The following CEP162 variants were observed in gnomAD, a reference collection of about 807,000 sequenced individuals.
The protein encoded by CEP162 is centrosomal protein of 162 kDa.
In CEP162, 141 loss-of-function variants were observed where a neutral mutation model predicts 169.2. The ratio of observed to expected loss-of-function variants is 0.83; its 90% CI spans 0.73 to 0.96. The LOEUF (loss-of-function observed/expected upper bound fraction) is 0.96. Ranked by LOEUF, CEP162 falls within the 40% of genes least tolerant of loss-of-function variation. CEP162 has a pLI of 0.00. For synonymous variants in CEP162, 540 were observed against 526.4 expected (o/e 1.03, Z -0.35); for missense variants, 1,600 against 1,587.2 (o/e 1.01, Z -0.14).
chr6:84,149,132 C>A (rs535385524), intron 24 of CEP162, among the ~76,000 whole-genome samples: 15 of 152,092 alleles, frequency 9.9e-5, no homozygotes, highest in South Asian at 2.1e-4. Context: ...TGACCTGAAT[C>A]ATTATTTGTT....
intron 24 of CEP162, 137 bp downstream of exon 24, chr6:84,149,425 G>A: frequency 1.2e-5 from 6 of 495,538 alleles, no homozygotes; most frequent in Non-Finnish European, 2.0e-5. Flanking sequence ...AAGAAATCAA[G>A]CCAATAATAG....
At chr6:84,174,674 CTT>C (rs61309212) in intron 15 of CEP162, 51 bp downstream of exon 15, 1,113 of 681,724 alleles carry the variant, frequency 1.6e-3, no homozygotes, top group African/African-American at 6.7e-3. Flanking sequence ...GGGAATTCAG[CTT>C]TTTTTTTTTT....
rs1357269882 is a variant in CEP162, at chr6:84,186,428, G to A, written c.1305C>T (p.Ala435=). ...NSCPQVTEVT[A]TEEHVDKMYL... ...ACATTTTATCAACATGTTCTTCTGT[G>A]GCAGTTACTTCAGTTACTTGTGGAC... The change falls in exon 12 of 27, where the codon GCC becomes GCT. Residue 435 remains alanine (A), a synonymous_variant. Coordinates refer to ENST00000403245, the MANE Select transcript of CEP162 (RefSeq NM_014895.4). 6.2e-7 allele frequency: 1 copy of A among 1,602,296 alleles called. No homozygotes were observed. The highest frequency in any genetic ancestry group is 8.6e-7 in the Non-Finnish European group (1 of 1,169,524).
At chr6:84,203,955 G>C in intron 7 of CEP162, 26 bp downstream of exon 7, 5 of 1,469,932 alleles carry the variant, frequency 3.4e-6, no homozygotes, top group Non-Finnish European at 4.7e-6. Context: ...TTGCAAAACT[G>C]TCAAATATAT....
At chr6:84,203,494 G>C (rs1192878576) in intron 7 of CEP162, among the ~76,000 whole-genome samples, 2 of 152,236 alleles carry the variant, frequency 1.3e-5, no homozygotes, top group East Asian at 3.9e-4. Flanking sequence ...AACCAGGCTG[G>C]AGTGCAGTGA....
intron 6 of CEP162, among the ~76,000 whole-genome samples, chr6:84,206,235 G>GAACCAAAA (rs1414221782): frequency 6.7e-6 from 1 of 148,548 alleles, no homozygotes; most frequent in Non-Finnish European, 1.5e-5. Context: ...AGTTCATATG[G>GAACCAAAA]AACCAAAAAA....
chr6:84,224,798 G>A (rs921028969), intron 2 of CEP162, among the ~76,000 whole-genome samples: 2 of 152,080 alleles, frequency 1.3e-5, no homozygotes, highest in African/African-American at 4.8e-5. Context: ...TGGAAGGGTG[G>A]TAAATGAGGG....
chr6:84,184,022 A>G (rs567539955), intron 13 of CEP162, among the ~76,000 whole-genome samples: 8 of 152,000 alleles, frequency 5.3e-5, no homozygotes, highest in Non-Finnish European at 1.2e-4. Context: ...TCCTCACCAC[A>G]TCTAACCACC....
chr6:84,193,892 A>G (rs146966291), intron 10 of CEP162, among the ~76,000 whole-genome samples: 4 of 152,350 alleles, frequency 2.6e-5, no homozygotes, highest in South Asian at 2.1e-4. Context: ...TCAAATATCA[A>G]TATCAAATAT....
chr6:84,215,329 A>G lies in CEP162; in HGVS notation c.456T>C (p.Asn152=), dbSNP rs539644288. 3 of 1,601,236 alleles carry G rather than the reference A, an allele frequency of 1.9e-6. No individual in the cohort carries two copies. In the African/African-American group the frequency reaches 4.0e-5, roughly 21 times the overall value. Residue 152 remains asparagine (N), a synonymous_variant, in exon 5 of 27, where the codon AAT becomes AAC. Transcript: ENST00000403245. The stretch of plus-strand genomic sequence containing the variant: ...TAGAGTCATTAGAATCCAATTCCTT[A>G]TTTAATCTCGAATAATCAATGGAAG... ...LTSSIDYSRL[N]KELDSNDSTH...
At chr6:84,125,567 G>A (rs967556587) in intron 26 of CEP162, among the ~76,000 whole-genome samples, 3 of 152,058 alleles carry the variant, frequency 2.0e-5, no homozygotes, top group Non-Finnish European at 4.4e-5. Flanking sequence ...TAAGGGTGGG[G>A]ACTTGATTTG....
intron 11 of CEP162, among the ~76,000 whole-genome samples, chr6:84,187,000 T>C (rs1317641339): frequency 6.6e-6 from 1 of 152,154 alleles, no homozygotes; most frequent in East Asian, 1.9e-4. Context: ...AAAGTCGACA[T>C]GCATTTGAAA....
At chr6:84,216,012 T>C in intron 3 of CEP162, 90 bp from the exon 4 acceptor site, 1 of 1,401,116 alleles carries the variant, frequency 7.1e-7, no homozygotes, top group East Asian at 2.6e-5. Flanking sequence ...TATGCTAATT[T>C]TGTGCACAGT....
intron 6 of CEP162, among the ~76,000 whole-genome samples, chr6:84,207,210 A>T (rs1231457636): frequency 1.3e-5 from 2 of 152,220 alleles, no homozygotes; most frequent in African/African-American, 2.4e-5. Flanking sequence ...CAGCGATCCC[A>T]TTACTGGGTA....
At chr6:84,139,470 T>C (rs1487749221) in intron 25 of CEP162, among the ~76,000 whole-genome samples, 1 of 152,220 alleles carries the variant, frequency 6.6e-6, no homozygotes, top group Non-Finnish European at 1.5e-5. Context: ...TTTGTTACAG[T>C]GGCCTGTCCC....
intron 19 of CEP162, among the ~76,000 whole-genome samples, chr6:84,162,126 T>A (rs2099526022): frequency 1.3e-5 from 2 of 152,178 alleles, no homozygotes; most frequent in African/African-American, 4.8e-5. Flanking sequence ...ATTGTCAACC[T>A]TATATAGCAA....
chr6:84,173,692 T>A (rs2099531118), intron 16 of CEP162, among the ~76,000 whole-genome samples: 1 of 151,534 alleles, frequency 6.6e-6, no homozygotes, highest in Non-Finnish European at 1.5e-5. Flanking sequence ...ATACCTTTTT[T>A]TTTTTTTTTG....
chr6:84,175,471 T>C (rs1430430886), intron 13 of CEP162, 124 bp from the exon 14 acceptor site: 4 of 638,434 alleles, frequency 6.3e-6, no homozygotes, highest in Non-Finnish European at 1.0e-5. Context: ...AATAGGCTGA[T>C]GGACTACACT....
rs2099526448 is a variant in CEP162, at chr6:84,163,169, G to C, written c.2487C>G (p.Ala829=). 1 of 1,613,298 alleles carries C rather than the reference G, an allele frequency of 6.2e-7. No individual in the cohort carries two copies. Among genetic ancestry groups the C allele is most frequent in the Non-Finnish European group, 8.5e-7 (1 of 1,179,524 alleles). ...CTGTGACATAAGCAATCTGATCTTT[G>C]GCTTGGTCCCTCTCTTTCTTCATTT... The part of the protein sequence containing the change: ...FEKMKKERDQ[A]KDQIAYVTGE... The change falls in exon 19 of 27, where the codon GCC becomes GCG. Residue 829 remains alanine, a synonymous_variant. Coordinates refer to ENST00000403245, the MANE Select transcript of CEP162 (RefSeq NM_014895.4).
Sources: allele counts gnomAD v4.1 joint callset (sites outside exome capture counted in the v4.1 genomes callset), GRCh38; gene constraint gnomAD v4.1.1; transcripts MANE v1.5; gene names NCBI Gene and HGNC (gene_info 2026-07-23, HGNC 2026-07-21).